NR3C2: variants seen among roughly 807,000 people sequenced by gnomAD.
The protein encoded by NR3C2 is mineralocorticoid receptor.
A neutral mutation model predicts 86.4 loss-of-function variants in NR3C2; 15 were observed. The ratio of observed to expected loss-of-function variants is 0.17; its 90% CI spans 0.12 to 0.27. The LOEUF (loss-of-function observed/expected upper bound fraction) is 0.27. Ranked by LOEUF, NR3C2 falls within the 10% of genes least tolerant of loss-of-function variation. The pLI is 1.00. For synonymous variants in NR3C2, 458 were observed against 450.5 expected (o/e 1.02, Z -0.21); for missense variants, 960 against 1,195.6 (o/e 0.80, Z 2.91).
intron 2 of NR3C2, among the ~76,000 whole-genome samples, chr4:148,335,088 T>C (rs953617170): frequency 1.3e-5 from 2 of 152,242 alleles, no homozygotes; most frequent in African/African-American, 4.8e-5. Flanking sequence ...ATATCTGCGA[T>C]GACTTTATTT....
chr4:148,260,154 T>A (rs751659315), intron 2 of NR3C2, 37 bp from the exon 3 acceptor site: 1 of 1,613,100 alleles, frequency 6.2e-7, no homozygotes, highest in South Asian at 1.1e-5. Flanking sequence ...AACTACACCG[T>A]AAAGGCACAT....
chr4:148,243,938 T>C (rs979677502), intron 3 of NR3C2, among the ~76,000 whole-genome samples: 19 of 152,318 alleles, frequency 1.2e-4, no homozygotes, highest in South Asian at 6.2e-4. Flanking sequence ...CATTTGCAAG[T>C]GGTACTATGT....
At chr4:148,299,087 C>T (rs1470523541) in intron 2 of NR3C2, among the ~76,000 whole-genome samples, 1 of 152,088 alleles carries the variant, frequency 6.6e-6, no homozygotes, top group Non-Finnish European at 1.5e-5. Flanking sequence ...AGAACCTCCC[C>T]GTTTTTTATT....
intron 2 of NR3C2, among the ~76,000 whole-genome samples, chr4:148,316,942 C>T (rs909391136): frequency 6.6e-6 from 1 of 152,040 alleles, no homozygotes; most frequent in African/African-American, 2.4e-5. Flanking sequence ...GCTGGGATGA[C>T]AGGCGCACAC....
intron 8 of NR3C2, among the ~76,000 whole-genome samples, chr4:148,095,094 G>T (rs1204787413): frequency 6.6e-6 from 1 of 152,242 alleles, no homozygotes; most frequent in Non-Finnish European, 1.5e-5. Context: ...GGTGGTGATG[G>T]TTGCACAACT....
chr4:148,194,681 A>C, intron 4 of NR3C2, 65 bp downstream of exon 4: 1 of 1,068,090 alleles, frequency 9.4e-7, no homozygotes, highest in Non-Finnish European at 1.4e-6. Context: ...TTGAGAGTAC[A>C]CAGATCTTAG....
At chr4:148,256,477 T>C (rs905744830) in intron 3 of NR3C2, among the ~76,000 whole-genome samples, 9 of 152,186 alleles carry the variant, frequency 5.9e-5, no homozygotes, top group South Asian at 2.1e-4. Flanking sequence ...TACAAACATT[T>C]TCAGGTAATT....
At chr4:148,129,369 G>A (rs1732910021) in intron 6 of NR3C2, among the ~76,000 whole-genome samples, 2 of 152,226 alleles carry the variant, frequency 1.3e-5, no homozygotes, top group Non-Finnish European at 2.9e-5. Flanking sequence ...CTGGGGGTAG[G>A]TGGGAATGCA....
At chr4:148,442,892 G>A, upstream of NR3C2, 1 of 985,394 alleles carries the variant, frequency 1.0e-6, no homozygotes, top group Non-Finnish European at 1.2e-6. Flanking sequence ...AAAGTGTGCT[G>A]ACGCGGAAGA....
chr4:148,380,270 C>A (rs2126440185), intron 2 of NR3C2, among the ~76,000 whole-genome samples: 1 of 152,234 alleles, frequency 6.6e-6, no homozygotes, highest in Middle Eastern at 3.4e-3. Flanking sequence ...AAGGTTTATC[C>A]ATGTTGTAGC....
At chr4:148,098,130 C>G (rs1479371192) in intron 8 of NR3C2, among the ~76,000 whole-genome samples, 1 of 152,208 alleles carries the variant, frequency 6.6e-6, no homozygotes, top group Admixed American at 6.5e-5. Flanking sequence ...CTCTCTGCTG[C>G]AATCCAGTGT....
At position 148,435,602 on chromosome 4, in the gene NR3C2, T is replaced by C. The variant is rs1750012017; in HGVS notation, c.1259A>G (p.Asp420Gly). 3 of 1,614,134 alleles carry C rather than the reference T, an allele frequency of 1.9e-6. No homozygotes were observed. Among genetic ancestry groups the C allele is most frequent in the Non-Finnish European group, 2.5e-6 (3 of 1,180,022 alleles). ...CLGGNSKINS[D>G]SSFSVPIKQE... ...CTTTATTGGTACTGAGAATGAAGAATCCGAATTTATTTTGCTATTTCCTCC... is the reference window on the plus strand; with the variant it reads ...CTTTATTGGTACTGAGAATGAAGAACCCGAATTTATTTTGCTATTTCCTCC... Residue 420 changes from aspartate (D) to glycine (G), a missense_variant, in exon 2 of 9, where the codon GAT becomes GGT. Asp to Gly is a moderately conservative substitution (Grantham distance 94, BLOSUM62 -1). Transcript: ENST00000358102.
At chr4:148,106,667 T>C (rs188975703) in intron 8 of NR3C2, among the ~76,000 whole-genome samples, 42 of 152,180 alleles carry the variant, frequency 2.8e-4, no homozygotes, top group African/African-American at 7.0e-4. Context: ...AAAACAGATA[T>C]ATAGACCAAT....
chr4:148,177,431 A>T (rs1735428379), intron 4 of NR3C2, among the ~76,000 whole-genome samples: 1 of 152,218 alleles, frequency 6.6e-6, no homozygotes, highest in Admixed American at 6.5e-5. Context: ...TCTAGAGCTG[A>T]GAACAGAGGA....
chr4:148,176,222 GGGT>G (rs1358139930), intron 4 of NR3C2, among the ~76,000 whole-genome samples: 1 of 152,172 alleles, frequency 6.6e-6, no homozygotes, highest in Admixed American at 6.5e-5. Context: ...CAGTAAAACT[GGGT>G]TCATTTTTTT....
intron 3 of NR3C2, among the ~76,000 whole-genome samples, chr4:148,231,806 G>A (rs1162908384): frequency 2.6e-5 from 4 of 152,180 alleles, no homozygotes; most frequent in Admixed American, 2.0e-4. Flanking sequence ...TGTCAACTAA[G>A]TTTACGTAAT....
At chr4:148,255,081 C>A (rs200781179) in intron 3 of NR3C2, among the ~76,000 whole-genome samples, 1 of 146,442 alleles carries the variant, frequency 6.8e-6, no homozygotes, top group Non-Finnish European at 1.5e-5. Flanking sequence ...TGCCCCCCCC[C>A]AACACACACC....
At chr4:148,442,767 T>C, upstream of NR3C2, 1 of 985,366 alleles carries the variant, frequency 1.0e-6, no homozygotes. Flanking sequence ...GGGCGGTGGC[T>C]ACATCAGGCG....
chr4:148,104,565 G>A (rs1310458430), intron 8 of NR3C2, among the ~76,000 whole-genome samples: 2 of 152,032 alleles, frequency 1.3e-5, no homozygotes, highest in Admixed American at 6.6e-5. Flanking sequence ...TTTGAATCTC[G>A]ATCTCTCGAT....
Sources: allele counts gnomAD v4.1 joint callset (sites outside exome capture counted in the v4.1 genomes callset), GRCh38; gene constraint gnomAD v4.1.1; transcripts MANE v1.5; gene names NCBI Gene and HGNC (gene_info 2026-07-23, HGNC 2026-07-21).